Variants in RIMS2 observed in about 807,000 individuals in gnomAD.
RIMS2 encodes the protein regulating synaptic membrane exocytosis protein 2.
In RIMS2, 59 loss-of-function variants were observed where a neutral mutation model predicts 174.4. The ratio of observed to expected loss-of-function variants is 0.34; its 90% CI spans 0.27 to 0.42. RIMS2 has a LOEUF of 0.42. Among genes scored for constraint, RIMS2 ranks in the 10% least tolerant of loss-of-function variants. The probability of loss-of-function intolerance (pLI) is 1.00; values close to 1 mark genes in which losing one functional copy is unlikely to be tolerated. For missense variants in RIMS2, 1,620 were observed against 1,666.3 expected, an observed-to-expected ratio of 0.97 and a Z score of 0.48; for synonymous variants, 606 against 572.5, an observed-to-expected ratio of 1.06 and a Z score of -0.84.
At chr8:103,626,764 G>A (rs548180364) in intron 1 of RIMS2, among the ~76,000 whole-genome samples, 2 of 152,186 alleles carry the variant, frequency 1.3e-5, no homozygotes, top group South Asian at 4.1e-4. Flanking sequence ...CATATTGGTA[G>A]GACCATGATG....
chr8:104,090,860 A>C (rs1208392617), intron 19 of RIMS2, among the ~76,000 whole-genome samples: 1 of 151,846 alleles, frequency 6.6e-6, no homozygotes, highest in African/African-American at 2.4e-5. Context: ...GTAGCTTAGA[A>C]TAGTCTTAAT....
intron 3 of RIMS2, among the ~76,000 whole-genome samples, chr8:103,802,321 A>G (rs147487345): frequency 1.4e-3 from 218 of 152,314 alleles, no homozygotes; most frequent in African/African-American, 4.9e-3. Flanking sequence ...TATTTTACAG[A>G]TATATTAGCA....
chr8:103,801,464 T>G (rs554436790), intron 3 of RIMS2, among the ~76,000 whole-genome samples: 14 of 152,360 alleles, frequency 9.2e-5, no homozygotes, highest in African/African-American at 3.1e-4. Context: ...TTCTTTTCCT[T>G]TTAAAATATT....
intron 3 of RIMS2, among the ~76,000 whole-genome samples, chr8:103,794,293 T>C (rs934867616): frequency 6.6e-6 from 1 of 152,004 alleles, no homozygotes; most frequent in Non-Finnish European, 1.5e-5. Flanking sequence ...TCTAAAACCA[T>C]CTGATCTTTG....
chr8:104,027,416 A>C (rs539552816), intron 19 of RIMS2, among the ~76,000 whole-genome samples: 2 of 152,162 alleles, frequency 1.3e-5, no homozygotes, highest in African/African-American at 4.8e-5. Context: ...GAAAGTCCCA[A>C]CTGACTAAAC....
chr8:103,958,195 A>G (rs1565527542), intron 14 of RIMS2, among the ~76,000 whole-genome samples: 1 of 152,232 alleles, frequency 6.6e-6, no homozygotes, highest in Non-Finnish European at 1.5e-5. Context: ...AATGTGGTAC[A>G]TATACACCAT....
chr8:103,904,101 C>T (rs1002332840), intron 4 of RIMS2, among the ~76,000 whole-genome samples: 2 of 152,044 alleles, frequency 1.3e-5, no homozygotes, highest in African/African-American at 4.8e-5. Flanking sequence ...ACATCTTACT[C>T]CTTCTCCACC....
chr8:104,006,316 G>A (rs1222935116), intron 17 of RIMS2, among the ~76,000 whole-genome samples: 4 of 152,038 alleles, frequency 2.6e-5, no homozygotes, highest in Admixed American at 6.6e-5. Context: ...TTGGGAGGCC[G>A]AGGTGGGCGG....
chr8:104,093,704 G>A (rs771261865), intron 19 of RIMS2, 61 bp downstream of exon 24: 51 of 1,280,612 alleles, frequency 4.0e-5, no homozygotes, highest in Middle Eastern at 1.9e-4. Context: ...TATGTTTCCC[G>A]GATGAACATA....
intron 3 of RIMS2, among the ~76,000 whole-genome samples, chr8:103,811,554 C>A (rs2098687915): frequency 6.6e-6 from 1 of 152,098 alleles, no homozygotes; most frequent in African/African-American, 2.4e-5. Context: ...AAGTGATTCT[C>A]CTGCCTCAGC....
chr8:103,736,463 A>G (rs2139132230), intron 2 of RIMS2, among the ~76,000 whole-genome samples: 1 of 152,280 alleles, frequency 6.6e-6, no homozygotes, highest in East Asian at 1.9e-4. Flanking sequence ...TCATTATGAG[A>G]AATGACTTAT....
chr8:103,948,070 C>T (rs1004728792), intron 14 of RIMS2, among the ~76,000 whole-genome samples: 1 of 152,032 alleles, frequency 6.6e-6, no homozygotes, highest in Admixed American at 6.5e-5. Context: ...ATATGGATCA[C>T]AAATAAGGCC....
At chr8:103,719,452 T>C (rs1015363743) in intron 2 of RIMS2, among the ~76,000 whole-genome samples, 1 of 152,218 alleles carries the variant, frequency 6.6e-6, no homozygotes, top group Admixed American at 6.5e-5. Flanking sequence ...GTAAAGGAAG[T>C]GCATGATGAT....
intron 3 of RIMS2, among the ~76,000 whole-genome samples, chr8:103,832,247 G>A (rs1246467432): frequency 6.6e-6 from 1 of 151,994 alleles, no homozygotes. Flanking sequence ...TTTACATAGA[G>A]TATTTAGTTC....
At chr8:103,592,994 A>T (rs571151051) in intron 1 of RIMS2, among the ~76,000 whole-genome samples, 1 of 151,320 alleles carries the variant, frequency 6.6e-6, no homozygotes, top group Non-Finnish European at 1.5e-5. Flanking sequence ...GCTTTTTTTC[A>T]TGGGACTCAA....
intron 19 of RIMS2, among the ~76,000 whole-genome samples, chr8:104,088,475 C>T (rs1301198226): frequency 6.6e-6 from 1 of 152,050 alleles, no homozygotes; most frequent in Non-Finnish European, 1.5e-5. Flanking sequence ...TTGATTAACT[C>T]AGTATTTCCT....
rs368880543 is a variant in RIMS2 at position 103,700,094 on chromosome 8, G to A, written c.387+2798G>A. ...ATGCCCACTCAAGGCCAGTTTCGTTGATAGAGTCATTTAAATCTGTTATCT... is the reference window on the plus strand; with the variant it reads ...ATGCCCACTCAAGGCCAGTTTCGTTAATAGAGTCATTTAAATCTGTTATCT... On this transcript the variant is annotated intron_variant, in intron 2 of 23. Transcript: ENST00000504942. Among the ~76,000 whole-genome samples the A allele has an allele frequency of 1.6e-3, 239 of 152,200 alleles. 2 individuals are homozygous for A. The highest frequency in any genetic ancestry group is 5.2e-3 in the African/African-American group (217 of 41,530).
chr8:103,505,054 A>G (rs970390287), intron 1 of RIMS2, among the ~76,000 whole-genome samples: 8 of 151,594 alleles, frequency 5.3e-5, no homozygotes, highest in Admixed American at 1.3e-4. Context: ...AGGTCTCCCT[A>G]TGTTGCCCAG....
At chr8:104,057,712 T>G (rs1204114926) in intron 19 of RIMS2, among the ~76,000 whole-genome samples, 6 of 133,750 alleles carry the variant, frequency 4.5e-5, no homozygotes, top group African/African-American at 1.1e-4. Flanking sequence ...ATGCTATCTC[T>G]TCCCCCTCCC....
Sources: allele counts gnomAD v4.1 joint callset (sites outside exome capture counted in the v4.1 genomes callset), GRCh38; gene constraint gnomAD v4.1.1; transcripts MANE v1.5; gene names NCBI Gene and HGNC (gene_info 2026-07-23, HGNC 2026-07-21).